The following CCDC63 variants were observed in gnomAD, a reference collection of about 807,000 sequenced individuals.
The protein encoded by CCDC63 is coiled-coil domain containing 63, also known as coiled-coil domain-containing protein 63.
Under a neutral mutation model 63.6 loss-of-function variants are expected in CCDC63, and 54 were observed. The ratio of observed to expected loss-of-function variants is 0.85; its 90% CI spans 0.68 to 1.07. The LOEUF (loss-of-function observed/expected upper bound fraction) is 1.07, where lower values mean the gene tolerates loss of function less well. CCDC63 is among the 50% of genes least tolerant of loss of function. CCDC63 has a pLI of 0.00. For synonymous variants in CCDC63, 253 were observed against 266.1 expected (o/e 0.95, Z 0.48); for missense variants, 637 against 689.6 (o/e 0.92, Z 0.86).
At chr12:110,857,176 G>C (rs2070783681) in intron 3 of CCDC63, among the ~76,000 whole-genome samples, 1 of 151,306 alleles carries the variant, frequency 6.6e-6, no homozygotes, top group South Asian at 2.1e-4. Context: ...TCCCAGGCTG[G>C]AGTGCAGTGG....
At chr12:110,880,691 G>A (rs377735577) in intron 6 of CCDC63, among the ~76,000 whole-genome samples, 6 of 218 alleles carry the variant, frequency 0.028, no homozygotes, top group South Asian at 0.12. Flanking sequence ...GATAATGATG[G>A]TAATGATGGT....
chr12:110,879,115 A>T (rs559742055), intron 5 of CCDC63, among the ~76,000 whole-genome samples: 1 of 152,222 alleles, frequency 6.6e-6, no homozygotes, highest in Non-Finnish European at 1.5e-5. Flanking sequence ...TTTCACAGTC[A>T]TAAGACCAGT....
chr12:110,899,979 C>T (rs541856448), intron 10 of CCDC63, among the ~76,000 whole-genome samples: 12 of 151,876 alleles, frequency 7.9e-5, no homozygotes, highest in South Asian at 2.1e-4. Context: ...TTTGGGAGGC[C>T]GAGGCGGGCA....
At chr12:110,897,729 C>G (rs1422743671) in intron 9 of CCDC63, among the ~76,000 whole-genome samples, 2 of 143,770 alleles carry the variant, frequency 1.4e-5, no homozygotes, top group Non-Finnish European at 3.0e-5. Context: ...TGTGGACCAC[C>G]TTGTTTTTTT....
intron 3 of CCDC63, among the ~76,000 whole-genome samples, chr12:110,856,688 A>G (rs1247277010): frequency 6.6e-6 from 1 of 152,164 alleles, no homozygotes; most frequent in Non-Finnish European, 1.5e-5. Context: ...TCATCACTGC[A>G]GAACGTCCTA....
chr12:110,853,582 ATGGT>A lies in CCDC63; in HGVS notation c.179+12_179+15del, dbSNP rs1826506472. 1 of 1,614,046 alleles carries A rather than the reference ATGGT, an allele frequency of 6.2e-7. No homozygotes were observed. ...GAAGATTGCGAGTCAGTAGTAAGTG[ATGGT>A]TGGAGTTTCGCACTGAGTGACCTTG... On this transcript the variant is annotated intron_variant, in intron 3 of 11. Coordinates refer to ENST00000308208, the MANE Select transcript of CCDC63 (RefSeq NM_152591.3).
At chr12:110,844,942 C>T, upstream of CCDC63, among the ~76,000 whole-genome samples, 1 of 152,198 alleles carries the variant, frequency 6.6e-6, no homozygotes, top group East Asian at 1.9e-4. Flanking sequence ...GGTCCCTCTG[C>T]GGCTTGGCTC....
chr12:110,899,204 T>C (rs887160680), intron 10 of CCDC63, 79 bp downstream of exon 10: 7 of 1,306,594 alleles, frequency 5.4e-6, no homozygotes, highest in Non-Finnish European at 7.4e-6. Flanking sequence ...GCCTTGCTCT[T>C]ATGGAGTAGT....
At chr12:110,859,376 G>T (rs1233609118) in intron 4 of CCDC63, among the ~76,000 whole-genome samples, 1 of 151,296 alleles carries the variant, frequency 6.6e-6, no homozygotes, top group Non-Finnish European at 1.5e-5. Flanking sequence ...GTGCAATCTT[G>T]GCTCACTGCA....
chr12:110,850,563 G>A (rs918305086), intron 1 of CCDC63, among the ~76,000 whole-genome samples: 3 of 152,172 alleles, frequency 2.0e-5, no homozygotes, highest in Non-Finnish European at 2.9e-5. Flanking sequence ...CCAAAATGGT[G>A]AAACCCCGTC....
intron 8 of CCDC63, among the ~76,000 whole-genome samples, chr12:110,884,480 A>G (rs1006918439): frequency 2.0e-5 from 3 of 151,562 alleles, no homozygotes; most frequent in Non-Finnish European, 2.9e-5. Flanking sequence ...CCCAGGCTGA[A>G]ATGATCCTTG....
chr12:110,865,334 G>C (rs2070928277), intron 4 of CCDC63, among the ~76,000 whole-genome samples: 1 of 152,122 alleles, frequency 6.6e-6, no homozygotes, highest in Non-Finnish European at 1.5e-5. Context: ...TGTGGATGTA[G>C]ACCAAGGATC....
In CCDC63 at chr12:110,873,697, TTGTC is replaced by T. The variant is rs922136043; in HGVS notation, c.370-142_370-139del. ...AGGAAAAGAAAGAACATTGCAGTTTTTGTCTGAGCACACTTCAGTTAGTGAACTG... is the reference window on the plus strand; with the variant it reads ...AGGAAAAGAAAGAACATTGCAGTTTTTGAGCACACTTCAGTTAGTGAACTG... On this transcript the variant is annotated intron_variant, in intron 4 of 11. Transcript: ENST00000308208. 11 of 1,002,256 alleles carry T rather than the reference TTGTC, an allele frequency of 1.1e-5. No homozygotes were observed. In the African/African-American group the frequency reaches 1.8e-4, roughly 16 times the overall value. 62.1% of individuals were successfully genotyped at this position (1,002,256 alleles called of 1,614,324 possible). A position where few individuals can be genotyped will look rare whatever the true frequency, so the allele number is the denominator to read the frequency against.
intron 3 of CCDC63, among the ~76,000 whole-genome samples, chr12:110,856,237 C>A (rs200269924): frequency 2.0e-5 from 3 of 152,088 alleles, no homozygotes; most frequent in African/African-American, 7.2e-5. Flanking sequence ...AGGCGCCCAC[C>A]ACCATGCCTG....
At chr12:110,883,311 C>T (rs574710893) in intron 7 of CCDC63, among the ~76,000 whole-genome samples, 18 of 152,294 alleles carry the variant, frequency 1.2e-4, no homozygotes, top group African/African-American at 4.3e-4. Flanking sequence ...GCTGGGATTA[C>T]AGGCGGGAGC....
intron 11 of CCDC63, among the ~76,000 whole-genome samples, chr12:110,906,069 CT>C (rs1398472520): frequency 1.1e-4 from 9 of 85,336 alleles, no homozygotes; most frequent in African/African-American, 4.3e-4. Flanking sequence ...AATATATATA[CT>C]TTTTTTTTGC....
chr12:110,846,984 G>A (rs1227372582), upstream of CCDC63: 1 of 152,198 alleles, frequency 6.6e-6, no homozygotes, highest in African/African-American at 2.4e-5. Flanking sequence ...TGGGGCTGGG[G>A]GTGTGGCGCA....
chr12:110,892,503 A>T (rs2071369238), intron 8 of CCDC63, among the ~76,000 whole-genome samples: 1 of 152,212 alleles, frequency 6.6e-6, no homozygotes, highest in Non-Finnish European at 1.5e-5. Flanking sequence ...TAGTGACTAC[A>T]GTATTAGGGT....
At chr12:110,891,057 G>A (rs2071350830) in intron 8 of CCDC63, among the ~76,000 whole-genome samples, 1 of 152,022 alleles carries the variant, frequency 6.6e-6, no homozygotes, top group South Asian at 2.1e-4. Flanking sequence ...GGGATAACAG[G>A]CATGAGCCAC....
Sources: gnomAD v4.1 joint callset for allele counts (sites outside exome capture counted in the v4.1 genomes callset) on GRCh38, gnomAD v4.1.1 for gene constraint, MANE v1.5 for transcripts, NCBI Gene and HGNC (gene_info 2026-07-23, HGNC 2026-07-21) for gene names.